DIAPH3: variants seen among roughly 807,000 people sequenced by gnomAD.
The protein encoded by DIAPH3 is diaphanous related formin 3.
Under a neutral mutation model 144.3 loss-of-function variants are expected in DIAPH3, and 117 were observed. That is an observed-to-expected ratio of 0.81 (90% CI 0.70 to 0.95). The LOEUF (loss-of-function observed/expected upper bound fraction) is 0.95, where lower values mean the gene tolerates loss of function less well. Ranked by LOEUF, DIAPH3 falls within the 40% of genes least tolerant of loss-of-function variation. The probability of loss-of-function intolerance (pLI) is 0.00; values close to 1 mark genes in which losing one functional copy is unlikely to be tolerated. For missense variants in DIAPH3, 1,421 were observed against 1,412.7 expected, an observed-to-expected ratio of 1.01 and a Z score of -0.09; for synonymous variants, 519 against 488.9, an observed-to-expected ratio of 1.06 and a Z score of -0.81.
chr13:59,703,290 A>G (rs1172366262), intron 27 of DIAPH3, among the ~76,000 whole-genome samples: 1 of 152,254 alleles, frequency 6.6e-6, no homozygotes, highest in East Asian at 1.9e-4. Flanking sequence ...ACATGTTGAA[A>G]TAATACTTTG....
chr13:59,788,978 C>G (rs2039184168), intron 25 of DIAPH3, among the ~76,000 whole-genome samples: 1 of 152,170 alleles, frequency 6.6e-6, no homozygotes. Context: ...AGCTTGTTCA[C>G]TCTGACCTAT....
chr13:60,102,111 A>G (rs1002501108), intron 3 of DIAPH3, among the ~76,000 whole-genome samples: 3 of 151,890 alleles, frequency 2.0e-5, no homozygotes, highest in East Asian at 1.9e-4. Flanking sequence ...GCACACTACT[A>G]TCTTTCCCTA....
rs550786591 is a variant in DIAPH3, at chr13:59,875,526, T to G, written c.2607+3703A>C. Among the ~76,000 whole-genome samples the G allele has an allele frequency of 2.9e-4, 44 of 149,744 alleles. No homozygotes were observed. The South Asian group carries it at 8.7e-3, about 30-fold the overall frequency. ...AGAGAGGAGGAGAAAGAGAGATTGT[T>G]CTAAAAAAAAAATCCTGACGAAACT... On this transcript the variant is annotated intron_variant, in intron 21 of 27. Transcript: ENST00000400324.
chr13:59,902,806 A>G (rs975703582), intron 20 of DIAPH3, among the ~76,000 whole-genome samples: 4 of 152,174 alleles, frequency 2.6e-5, no homozygotes, highest in Non-Finnish European at 5.9e-5. Context: ...AGTGACAAGA[A>G]AAACAATGAC....
intron 27 of DIAPH3, among the ~76,000 whole-genome samples, chr13:59,749,912 T>A (rs1409121926): frequency 1.3e-5 from 2 of 152,200 alleles, no homozygotes; most frequent in Non-Finnish European, 2.9e-5. Context: ...TTCATGATAC[T>A]CTGTTAGCTA....
chr13:59,837,053 C>G (rs1008922293), intron 23 of DIAPH3, among the ~76,000 whole-genome samples: 2 of 151,230 alleles, frequency 1.3e-5, no homozygotes, highest in Non-Finnish European at 2.9e-5. Context: ...ACTAGTATGT[C>G]TAACTAAGAT....
chr13:59,979,110 T>A (rs188028766), intron 14 of DIAPH3, among the ~76,000 whole-genome samples: 91 of 151,740 alleles, frequency 6.0e-4, no homozygotes, highest in African/African-American at 1.9e-3. Flanking sequence ...GCAAATAGTA[T>A]TTTCTGAATC....
At chr13:59,688,125 C>T (rs2033310043) in intron 27 of DIAPH3, among the ~76,000 whole-genome samples, 1 of 151,946 alleles carries the variant, frequency 6.6e-6, no homozygotes, top group African/African-American at 2.4e-5. Context: ...AAGAAGGAAA[C>T]AAAAACTTTA....
rs4054915 is a variant in DIAPH3, at chr13:59,744,522, A to ATTT, written c.3319+29664_3319+29666dup. Among the ~76,000 whole-genome samples the ATTT allele has an allele frequency of 7.3e-5, 11 of 150,842 alleles. 1 individual carries two copies. In the South Asian group the frequency reaches 1.9e-3, roughly 26 times the overall value. The stretch of plus-strand genomic sequence containing the variant: ...AAACCATTATGAGATTTTGTGTGTA[A>ATTT]TTTTTTTTTTAGCTCATCAGCTATC... On this transcript the variant is annotated intron_variant, in intron 27 of 27. Transcript: ENST00000400324.
chr13:60,022,230 T>C (rs1184127076), intron 5 of DIAPH3, among the ~76,000 whole-genome samples: 1 of 152,222 alleles, frequency 6.6e-6, no homozygotes, highest in Non-Finnish European at 1.5e-5. Context: ...CTGACCTGCA[T>C]GCCTTTATTT....
chr13:60,139,720 C>A (rs575242203), intron 1 of DIAPH3, among the ~76,000 whole-genome samples: 1 of 152,320 alleles, frequency 6.6e-6, no homozygotes, highest in East Asian at 1.9e-4. Flanking sequence ...GCTAACCTAA[C>A]AAGTCATTTT....
chr13:60,016,284 A>T (rs2053643504), intron 5 of DIAPH3, 139 bp from the exon 6 acceptor site: 2 of 821,634 alleles, frequency 2.4e-6, no homozygotes, highest in Admixed American at 2.5e-5. Context: ...TATAAAAATT[A>T]TTCATGACTC....
chr13:59,895,257 C>T (rs887392903), intron 20 of DIAPH3, among the ~76,000 whole-genome samples: 2 of 151,884 alleles, frequency 1.3e-5, no homozygotes, highest in African/African-American at 4.8e-5. Context: ...TAAGTTAGTG[C>T]TAGTGTTTCA....
intron 1 of DIAPH3, among the ~76,000 whole-genome samples, chr13:60,138,782 G>GAGGGA (rs2059357137): frequency 1.8e-5 from 1 of 56,154 alleles, no homozygotes; most frequent in Non-Finnish European, 5.2e-5. Flanking sequence ...AGAAGGAGAA[G>GAGGGA]AAGGGGAAGA....
At position 59,825,662 on chromosome 13, in the gene DIAPH3, AG is replaced by A. The variant is rs1333023917; in HGVS notation, c.3027+7444del. Among the ~76,000 whole-genome samples the A allele has an allele frequency of 7.9e-5, 12 of 152,274 alleles. No homozygotes were observed. The East Asian group carries it at 2.1e-3, about 27-fold the overall frequency. ...TTTACAGTCCTACCAACAGTGTAAA[AG>A]TGTTCTTATTTCTCCACATCCTCCC... On this transcript the variant is annotated intron_variant, in intron 24 of 27. Transcript: ENST00000400324.
intron 22 of DIAPH3, among the ~76,000 whole-genome samples, chr13:59,839,884 G>A (rs1009554487): frequency 1.3e-5 from 2 of 152,132 alleles, no homozygotes; most frequent in Non-Finnish European, 2.9e-5. Flanking sequence ...GTTTTTTATT[G>A]TCCAAGCTTA....
rs35703399 is a variant in DIAPH3 at position 60,137,742 on chromosome 13, CTTTTTTTTTT to C, written c.181-4763_181-4754del. On this transcript the variant is annotated intron_variant, in intron 1 of 27. Coordinates refer to ENST00000400324, the MANE Select transcript of DIAPH3 (RefSeq NM_001042517.2). The stretch of plus-strand genomic sequence containing the variant: ...CACAGTTTAATTCCATTAAAATTGA[CTTTTTTTTTT>C]TTTTTTTTTTAGACACAGTCTTGCT... Among the ~76,000 whole-genome samples, 4 of 125,716 alleles carry C rather than the reference CTTTTTTTTTT, an allele frequency of 3.2e-5. No homozygotes were observed. The South Asian group carries it at 7.8e-4, about 25-fold the overall frequency. 82.5% of individuals were successfully genotyped at this position (125,716 alleles called of 152,430 possible). A position where few individuals can be genotyped will look rare whatever the true frequency, so the allele number is the denominator to read the frequency against.
At chr13:59,954,146 C>A (rs1236273577) in intron 17 of DIAPH3, among the ~76,000 whole-genome samples, 1 of 152,100 alleles carries the variant, frequency 6.6e-6, no homozygotes, top group African/African-American at 2.4e-5. Context: ...GAGGAAAGAA[C>A]AAAAGTTATG....
chr13:60,111,918 G>A, intron 3 of DIAPH3, 92 bp downstream of exon 3: 1 of 1,279,332 alleles, frequency 7.8e-7, no homozygotes, highest in South Asian at 1.2e-5. Flanking sequence ...AGCCTATGGA[G>A]TATGACTACC....
Sources: gnomAD v4.1 joint callset for allele counts (sites outside exome capture counted in the v4.1 genomes callset) on GRCh38, gnomAD v4.1.1 for gene constraint, MANE v1.5 for transcripts, NCBI Gene and HGNC (gene_info 2026-07-23, HGNC 2026-07-21) for gene names.